The following ZNF730 variants were observed in gnomAD, a reference collection of about 807,000 sequenced individuals.
ZNF730 encodes zinc finger protein 730.
In ZNF730, 12 loss-of-function variants were observed where a neutral mutation model predicts 12.6. The ratio of observed to expected loss-of-function variants is 0.95; its 90% CI spans 0.61 to 1.54. ZNF730 has a LOEUF of 1.54. Ranked by LOEUF, ZNF730 falls within the 40% of genes most tolerant of loss-of-function variation. The probability of loss-of-function intolerance (pLI) is 0.00; values close to 1 mark genes in which losing one functional copy is unlikely to be tolerated. For missense variants in ZNF730, 643 were observed against 583.5 expected, an observed-to-expected ratio of 1.10 and a Z score of -1.05; for synonymous variants, 194 against 195.8, an observed-to-expected ratio of 0.99 and a Z score of 0.08.
chr19:23,128,266 AT>A, intron 1 of ZNF730: 1 of 700,456 alleles, frequency 1.4e-6, no homozygotes, highest in Non-Finnish European at 2.6e-6. Context: ...GAAGTACATC[AT>A]AGGCCAGAAT....
intron 1 of ZNF730, among the ~76,000 whole-genome samples, chr19:23,093,125 C>T (rs1475906854): frequency 2.0e-5 from 3 of 152,122 alleles, no homozygotes; most frequent in African/African-American, 7.2e-5. Flanking sequence ...TACAGGCACA[C>T]GCCACTAGGC....
chr19:23,093,836 T>C (rs1970199045), intron 1 of ZNF730, among the ~76,000 whole-genome samples: 1 of 152,224 alleles, frequency 6.6e-6, no homozygotes, highest in African/African-American at 2.4e-5. Flanking sequence ...GCAACTTAGA[T>C]ACCAGAGGAA....
chr19:23,092,891 T>C (rs556687352), intron 1 of ZNF730, among the ~76,000 whole-genome samples: 1 of 152,360 alleles, frequency 6.6e-6, no homozygotes, highest in South Asian at 2.1e-4. Flanking sequence ...CCTGAAGCTT[T>C]CTTTTTTTGT....
In ZNF730 at chr19:23,137,639, A is replaced by G. The variant is rs921137427; in HGVS notation, c.226+1596A>G. 5.3e-5 allele frequency among the ~76,000 whole-genome samples: 8 copies of G among 152,224 alleles called. No individual in the cohort carries two copies. In the South Asian group the frequency reaches 6.2e-4, roughly 12 times the overall value. ...AGTAGAAGCATTGAGAATGGGCACA[A>G]TATAGTTTTGCTTTGTTCTCTGTGA... On this transcript the variant is annotated intron_variant, in intron 3 of 3. Transcript: ENST00000597761.
At position 23,145,271 on chromosome 19, in the gene ZNF730, T is replaced by C. The variant is rs1970985066; in HGVS notation, c.227T>C (p.Val76Ala). 4 of 1,507,418 alleles carry C rather than the reference T, an allele frequency of 2.7e-6. No homozygotes were observed. The highest frequency in any genetic ancestry group is 3.5e-6 in the Non-Finnish European group (4 of 1,131,786). The allele number at this position is 1,507,418 out of a possible 1,614,324, so 93.4% of individuals were successfully genotyped here. The change falls in exon 4 of 4, where the codon GTT (valine) becomes GCT (alanine). Residue 76 changes from valine to alanine, a missense_variant and splice_region_variant. Transcript: ENST00000597761. Reference protein sequence around the residue: ...KTHDMVAKPPVICSHIAQDLW... With the variant: ...KTHDMVAKPPAICSHIAQDLW... ...AATTTGTTATTTTTATTTCTTTCAGTTATATGTTCTCATATTGCCCAAGAC... is the reference window on the plus strand; with the variant it reads ...AATTTGTTATTTTTATTTCTTTCAGCTATATGTTCTCATATTGCCCAAGAC...
chr19:23,123,369 A>T (rs1970623357), intron 1 of ZNF730: 1 of 152,474 alleles, frequency 6.6e-6, no homozygotes, highest in South Asian at 2.1e-4. Context: ...GGAGATCAAG[A>T]CCATCCTGGC....
At chr19:23,116,774 T>C (rs531818119), upstream of ZNF730, among the ~76,000 whole-genome samples, 3 of 152,282 alleles carry the variant, frequency 2.0e-5, no homozygotes, top group African/African-American at 4.8e-5. Flanking sequence ...TAAATACATA[T>C]GATCTTACAC....
chr19:23,078,010 G>T (rs1568297324), intron 1 of ZNF730, among the ~76,000 whole-genome samples: 1 of 152,146 alleles, frequency 6.6e-6, no homozygotes, highest in Admixed American at 6.6e-5. Flanking sequence ...CTAATCTCAA[G>T]TACCCAGGGA....
In ZNF730 at chr19:23,102,477, C is replaced by CT. The variant is rs372653762; in HGVS notation, c.-94+27103dup. On this transcript the variant is annotated intron_variant, in intron 1 of 2. Coordinates refer to the ZNF730 transcript ENST00000593635. The stretch of plus-strand genomic sequence containing the variant: ...GCTCACAGGTGTGATGATGTTGATC[C>CT]TTTTTTTTTTTTTATTTTATTTATT... Among the ~76,000 whole-genome samples the CT allele has an allele frequency of 1.0e-3, 147 of 144,084 alleles. No homozygotes were observed. The Middle Eastern group carries it at 0.014, about 14-fold the overall frequency. 94.5% of individuals were successfully genotyped at this position (144,084 alleles called of 152,430 possible).
chr19:23,081,630 T>C (rs956470574), intron 1 of ZNF730, among the ~76,000 whole-genome samples: 3 of 152,042 alleles, frequency 2.0e-5, no homozygotes, highest in African/African-American at 7.2e-5. Flanking sequence ...AATTTTTGTA[T>C]TTTCAGTGGA....
At chr19:23,083,309 A>G (rs112273359) in intron 1 of ZNF730, among the ~76,000 whole-genome samples, 1 of 152,164 alleles carries the variant, frequency 6.6e-6, no homozygotes, top group African/African-American at 2.4e-5. Context: ...CTGTAGTCCC[A>G]GCTACTCGGG....
intron 1 of ZNF730, among the ~76,000 whole-genome samples, chr19:23,085,538 AGAGTCTT>A (rs1423072602): frequency 8.3e-6 from 1 of 119,790 alleles, no homozygotes; most frequent in Non-Finnish European, 1.6e-5. Flanking sequence ...AAATATAGAC[AGAGTCTT>A]GCTCTGTCAC....
intron 1 of ZNF730, 44 bp from the exon 2 acceptor site, chr19:23,134,036 C>T: frequency 3.1e-6 from 5 of 1,608,406 alleles, no homozygotes; most frequent in South Asian, 1.1e-5. Context: ...AAAATTCTGC[C>T]CAGGGGCACT....
chr19:23,142,063 C>T (rs1970929772), intron 3 of ZNF730, among the ~76,000 whole-genome samples: 1 of 152,078 alleles, frequency 6.6e-6, no homozygotes, highest in South Asian at 2.1e-4. Context: ...CAGAAACAAA[C>T]ACACACACAT....
At chr19:23,076,053 G>A (rs545647659) in intron 1 of ZNF730, among the ~76,000 whole-genome samples, 1 of 117,806 alleles carries the variant, frequency 8.5e-6, no homozygotes, top group South Asian at 2.3e-4. Flanking sequence ...GTGGCAAGCA[G>A]GGCTCTAATC....
chr19:23,128,302 AT>A, intron 1 of ZNF730: 1 of 647,244 alleles, frequency 1.5e-6, no homozygotes, highest in South Asian at 1.5e-5. Flanking sequence ...GCACTACTTA[AT>A]GAAGGATGAT....
At chr19:23,137,700 A>T (rs1183584329) in intron 3 of ZNF730, among the ~76,000 whole-genome samples, 1 of 152,216 alleles carries the variant, frequency 6.6e-6, no homozygotes, top group Non-Finnish European at 1.5e-5. Flanking sequence ...GGTTTTTATA[A>T]ACTGGCTTCA....
chr19:23,092,910 G>A (rs1970180880), intron 1 of ZNF730, among the ~76,000 whole-genome samples: 1 of 152,148 alleles, frequency 6.6e-6, no homozygotes, highest in Admixed American at 6.6e-5. Flanking sequence ...GTTGTACTCT[G>A]TTGGGTTTTG....
At chr19:23,117,293 G>C in intron 1 of ZNF730, 117 bp downstream of exon 1, 1 of 1,579,116 alleles carries the variant, frequency 6.3e-7, no homozygotes, top group South Asian at 1.1e-5. Flanking sequence ...TGCGCCCAGA[G>C]TTCTTGCCCA....
Sources: allele counts gnomAD v4.1 joint callset (sites outside exome capture counted in the v4.1 genomes callset), GRCh38; gene constraint gnomAD v4.1.1; transcripts MANE v1.5; gene names NCBI Gene and HGNC (gene_info 2026-07-23, HGNC 2026-07-21).